The following ENOX1 variants were observed in gnomAD, a reference collection of about 807,000 sequenced individuals.
ENOX1 encodes the protein ecto-NOX disulfide-thiol exchanger 1.
In ENOX1, 42 loss-of-function variants were observed where a neutral mutation model predicts 82.5. The observed-to-expected ratio is 0.51, with a 90% CI of 0.40 to 0.66. ENOX1 has a LOEUF of 0.66. Among genes scored for constraint, ENOX1 ranks in the 30% least tolerant of loss-of-function variants. The probability of loss-of-function intolerance (pLI) is 0.00; values close to 1 mark genes in which losing one functional copy is unlikely to be tolerated. For missense variants in ENOX1, 608 were observed against 811.6 expected (o/e 0.75, Z 3.05); for synonymous variants, 271 against 282.2 (o/e 0.96, Z 0.40).
intron 5 of ENOX1, among the ~76,000 whole-genome samples, chr13:43,398,481 C>T (rs1453602411): frequency 1.3e-5 from 2 of 152,110 alleles, no homozygotes; most frequent in African/African-American, 4.8e-5. Context: ...AATCTACTTT[C>T]CAGAGGATGC....
intron 11 of ENOX1, among the ~76,000 whole-genome samples, chr13:43,299,706 C>T (rs2046469097): frequency 6.6e-6 from 1 of 152,154 alleles, no homozygotes; most frequent in African/African-American, 2.4e-5. Flanking sequence ...TAATCTTCCC[C>T]CTCACAGAAA....
intron 9 of ENOX1, among the ~76,000 whole-genome samples, chr13:43,341,405 G>A (rs1411173130): frequency 2.0e-5 from 3 of 152,206 alleles, no homozygotes; most frequent in Middle Eastern, 3.4e-3. Context: ...AGGATAAGAA[G>A]AAGTCAAGCA....
At chr13:43,400,989 GTTAACTCACATCACCT>G (rs2053464265) in intron 5 of ENOX1, among the ~76,000 whole-genome samples, 1 of 152,146 alleles carries the variant, frequency 6.6e-6, no homozygotes, top group Non-Finnish European at 1.5e-5. Context: ...CCTTGGGTGA[GTTAACTCACATCACCT>G]AAACTCAGTT....
chr13:43,309,991 C>A (rs1216706930), intron 11 of ENOX1, among the ~76,000 whole-genome samples: 1 of 152,022 alleles, frequency 6.6e-6, no homozygotes, highest in Non-Finnish European at 1.5e-5. Flanking sequence ...ATCATGAGGT[C>A]AGGAGATCGA....
chr13:43,647,000 A>G (rs908050727), intron 2 of ENOX1, among the ~76,000 whole-genome samples: 6 of 152,184 alleles, frequency 3.9e-5, no homozygotes, highest in Non-Finnish European at 7.3e-5. Flanking sequence ...TTACCATTCC[A>G]TGTTCTCTCT....
At chr13:43,766,525 AC>A (rs1236145615) in intron 1 of ENOX1, among the ~76,000 whole-genome samples, 1 of 152,200 alleles carries the variant, frequency 6.6e-6, no homozygotes, top group Non-Finnish European at 1.5e-5. Context: ...AGCCTCCGGG[AC>A]AATGGGGTAG....
chr13:43,463,392 C>T (rs537741012), intron 3 of ENOX1, among the ~76,000 whole-genome samples: 1 of 152,294 alleles, frequency 6.6e-6, no homozygotes, highest in Non-Finnish European at 1.5e-5. Context: ...GTGACAAGAA[C>T]ATTAAGCTGC....
intron 5 of ENOX1, among the ~76,000 whole-genome samples, chr13:43,362,160 C>T (rs1273048247): frequency 1.7e-5 from 1 of 59,790 alleles, no homozygotes; most frequent in Non-Finnish European, 5.6e-5. Flanking sequence ...CTGTATTACA[C>T]ACACACACAC....
chr13:43,490,144 G>T lies in ENOX1; in HGVS notation c.-218-5992C>A, dbSNP rs188368506. Among the ~76,000 whole-genome samples the T allele has an allele frequency of 2.6e-5, 4 of 152,232 alleles. 1 individual carries two copies. Among genetic ancestry groups the T allele is most frequent in the African/African-American group, 9.6e-5 (4 of 41,528 alleles). ...TTTGGTAGAGACAGGGTTTTGTCAT[G>T]TTGGCCAGGCTGGTCTCGAACTCCT... On this transcript the variant is annotated intron_variant, in intron 2 of 16. Coordinates refer to ENST00000690772, the MANE Select transcript of ENOX1 (RefSeq NM_001347969.2).
At chr13:43,713,842 T>C (rs1409768423) in intron 1 of ENOX1, among the ~76,000 whole-genome samples, 4 of 151,866 alleles carry the variant, frequency 2.6e-5, no homozygotes, top group Non-Finnish European at 5.9e-5. Flanking sequence ...CTATCAATTT[T>C]GTTGATCCTT....
chr13:43,590,189 A>G (rs1170829242), intron 2 of ENOX1, among the ~76,000 whole-genome samples: 1 of 152,206 alleles, frequency 6.6e-6, no homozygotes, highest in Admixed American at 6.5e-5. Flanking sequence ...ATAAAAAAGA[A>G]AGCTTTTGAA....
intron 5 of ENOX1, among the ~76,000 whole-genome samples, chr13:43,373,841 G>T (rs1367310148): frequency 1.3e-5 from 2 of 152,144 alleles, no homozygotes; most frequent in Non-Finnish European, 2.9e-5. Context: ...CTAACAAATT[G>T]CCATTTAAAA....
chr13:43,617,161 T>C (rs1353507061), intron 2 of ENOX1, among the ~76,000 whole-genome samples: 1 of 152,226 alleles, frequency 6.6e-6, no homozygotes, highest in Admixed American at 6.5e-5. Context: ...TAGCTGTGCC[T>C]CATCATGAGC....
intron 16 of ENOX1, among the ~76,000 whole-genome samples, chr13:43,219,371 T>C (rs2041665111): frequency 6.6e-6 from 1 of 152,200 alleles, no homozygotes; most frequent in East Asian, 1.9e-4. Flanking sequence ...ATGAAATCTT[T>C]TCCCCATACA....
intron 5 of ENOX1, among the ~76,000 whole-genome samples, chr13:43,370,032 C>T (rs1015930543): frequency 6.6e-6 from 1 of 152,216 alleles, no homozygotes; most frequent in African/African-American, 2.4e-5. Context: ...CACCAGGTTC[C>T]CTGCACCCTC....
chr13:43,548,941 T>TA (rs751696678), intron 2 of ENOX1, among the ~76,000 whole-genome samples: 8 of 151,922 alleles, frequency 5.3e-5, no homozygotes, highest in East Asian at 1.9e-4. Flanking sequence ...ATGGTTAATT[T>TA]AAAAAAAACA....
chr13:43,700,457 A>C (rs1447069132), intron 1 of ENOX1, among the ~76,000 whole-genome samples: 1 of 152,174 alleles, frequency 6.6e-6, no homozygotes, highest in African/African-American at 2.4e-5. Context: ...GTTGAGATTA[A>C]GTGACAATGT....
intron 5 of ENOX1, among the ~76,000 whole-genome samples, chr13:43,397,346 G>C (rs960989064): frequency 6.6e-6 from 1 of 152,208 alleles, no homozygotes; most frequent in Admixed American, 6.5e-5. Context: ...TTGAGTGATT[G>C]CACAGTTCAT....
intron 2 of ENOX1, among the ~76,000 whole-genome samples, chr13:43,599,099 A>T (rs1408359262): frequency 6.6e-6 from 1 of 152,150 alleles, no homozygotes; most frequent in Non-Finnish European, 1.5e-5. Flanking sequence ...AAAGTATTGA[A>T]CTAGGAGAAA....
Sources: gnomAD v4.1 joint callset for allele counts (sites outside exome capture counted in the v4.1 genomes callset) on GRCh38, gnomAD v4.1.1 for gene constraint, MANE v1.5 for transcripts, NCBI Gene and HGNC (gene_info 2026-07-23, HGNC 2026-07-21) for gene names.